Variants in ABCA8 observed in about 807,000 individuals in gnomAD.
ABCA8 encodes ABC-type organic anion transporter ABCA8.
ABCA8 carries 177 observed loss-of-function variants against 192.3 expected under a neutral mutation model. That is an observed-to-expected ratio of 0.92 (90% CI 0.81 to 1.04). ABCA8 has a LOEUF of 1.04. Ranked by LOEUF, ABCA8 falls within the 50% of genes least tolerant of loss-of-function variation. The probability of loss-of-function intolerance (pLI) is 0.00; values close to 1 mark genes in which losing one functional copy is unlikely to be tolerated. For synonymous variants in ABCA8, 642 were observed against 690.2 expected (o/e 0.93, Z 1.09); for missense variants, 1,915 against 1,904.8 (o/e 1.01, Z -0.10).
chr17:68,947,192 T>A (rs1487340565), intron 2 of ABCA8, among the ~76,000 whole-genome samples: 1 of 152,198 alleles, frequency 6.6e-6, no homozygotes, highest in African/African-American at 2.4e-5. Context: ...TATTGAGTTT[T>A]CTTCTACATG....
chr17:68,954,203 CAG>C, intron 1 of ABCA8, among the ~76,000 whole-genome samples: 1 of 112,066 alleles, frequency 8.9e-6, no homozygotes, highest in South Asian at 3.1e-4. Context: ...CACCCCACAA[CAG>C]TCCCCAGAGT....
intron 24 of ABCA8, among the ~76,000 whole-genome samples, chr17:68,890,062 A>T (rs1459394712): frequency 6.6e-6 from 1 of 152,180 alleles, no homozygotes; most frequent in Non-Finnish European, 1.5e-5. Flanking sequence ...CTTTTGAGTA[A>T]ATACTTAGGA....
At chr17:68,925,871 C>G (rs2067684073) in intron 10 of ABCA8, among the ~76,000 whole-genome samples, 1 of 152,102 alleles carries the variant, frequency 6.6e-6, no homozygotes, top group African/African-American at 2.4e-5. Context: ...GTGTTTTGAA[C>G]AAAGTCACCT....
intron 2 of ABCA8, among the ~76,000 whole-genome samples, chr17:68,948,503 T>C (rs1409014715): frequency 6.6e-6 from 1 of 152,204 alleles, no homozygotes; most frequent in African/African-American, 2.4e-5. Flanking sequence ...TCAGTGGTGA[T>C]GAGTTTTTTT....
In ABCA8 at chr17:68,917,953, A is replaced by G. The variant is rs1314040337; in HGVS notation, c.2047+94T>C. The G allele has an allele frequency of 6.9e-6, 10 of 1,444,048 alleles. No individual in the cohort carries two copies. The East Asian group carries it at 2.1e-4, about 30-fold the overall frequency. 89.5% of individuals were successfully genotyped at this position (1,444,048 alleles called of 1,614,324 possible). A position where few individuals can be genotyped will look rare whatever the true frequency, so the allele number is the denominator to read the frequency against. On this transcript the variant is annotated intron_variant, in intron 16 of 39. Coordinates refer to ENST00000586539, the MANE Select transcript of ABCA8 (RefSeq NM_001288985.2). ...TCAATTTACCAGATACAGCTAGATT[A>G]CCGAATTACAAAATATAACTGTTCA...
At position 68,887,083 on chromosome 17, in the gene ABCA8, G is replaced by T; in HGVS notation, c.3363C>A (p.Tyr1121Ter). The T allele has an allele frequency of 1.2e-6, 2 of 1,612,706 alleles. No homozygotes were observed. The highest frequency in any genetic ancestry group is 1.7e-6 in the Non-Finnish European group (2 of 1,179,362). The change falls in exon 26 of 40, where the codon TAC becomes TAA. Residue 1121 changes from tyrosine (Y) to a stop codon, truncating the protein, a stop_gained. Coordinates refer to ENST00000586539, the MANE Select transcript of ABCA8 (RefSeq NM_001288985.2). LOFTEE classifies it high-confidence loss of function. The stretch of plus-strand genomic sequence containing the variant: ...CCTTGCGAAAGATGAAGGAAATCAC[G>T]TATGTCATGAAGATGAGGGAAAAGG... ...GYSFSLIFMT[Y>*]VISFIFRKGR... is the part of the protein sequence containing the mutation.
chr17:68,938,824 G>T (rs1001871563), intron 4 of ABCA8, among the ~76,000 whole-genome samples: 5 of 152,096 alleles, frequency 3.3e-5, no homozygotes, highest in Non-Finnish European at 7.4e-5. Context: ...ACCTCCATTT[G>T]TTAATGAGAA....
At chr17:68,943,736 G>A (rs1196964244) in intron 2 of ABCA8, among the ~76,000 whole-genome samples, 1 of 152,232 alleles carries the variant, frequency 6.6e-6, no homozygotes, top group East Asian at 1.9e-4. Flanking sequence ...AAGCAGGTAG[G>A]GAGAAAGCAG....
At chr17:68,948,353 C>T (rs1412610412) in intron 2 of ABCA8, among the ~76,000 whole-genome samples, 1 of 152,226 alleles carries the variant, frequency 6.6e-6, no homozygotes, top group Non-Finnish European at 1.5e-5. Context: ...CTAATTTACA[C>T]TCCCACTAAC....
Position 68,894,869 on chromosome 17 carries a change from G to T in ABCA8, c.2898+11C>A, listed in dbSNP as rs1297683435. 6.2e-7 allele frequency: 1 copy of T among 1,606,566 alleles called. No individual in the cohort carries two copies. Among genetic ancestry groups the T allele is most frequent in the Admixed American group, 1.7e-5 (1 of 58,556 alleles). ...CACATTTTTCAGAAAGATTATTAGAGACCTGCATACCTTTTCATTACAACA... is the reference window on the plus strand; with the variant it reads ...CACATTTTTCAGAAAGATTATTAGATACCTGCATACCTTTTCATTACAACA... On this transcript the variant is annotated intron_variant, in intron 22 of 39. Transcript: ENST00000586539.
chr17:68,919,528 T>C, intron 13 of ABCA8, 52 bp from the exon 14 acceptor site: 1 of 1,470,198 alleles, frequency 6.8e-7, no homozygotes, highest in Non-Finnish European at 9.3e-7. Context: ...TATTTCTTAA[T>C]AAAATCGCTG....
In ABCA8 at chr17:68,894,905, G is replaced by A; in HGVS notation, c.2873C>T (p.Ala958Val). The A allele has an allele frequency of 6.2e-7, 1 of 1,613,288 alleles. No individual in the cohort carries two copies. ...CTTTTCATTACAACACACTGTGATGGCTCCATTATAAGATGGGTCATCTGT... is the reference window on the plus strand; with the variant it reads ...CTTTTCATTACAACACACTGTGATGACTCCATTATAAGATGGGTCATCTGT... ...NGTDDPSYNGAITVCCNEKNY... is the reference protein window; with the variant it reads ...NGTDDPSYNGVITVCCNEKNY... The change falls in exon 22 of 40, where the codon GCC becomes GTC. Residue 958 changes from alanine (A) to valine (V), a missense_variant. Coordinates refer to ENST00000586539, the MANE Select transcript of ABCA8 (RefSeq NM_001288985.2).
In ABCA8 at chr17:68,883,865, G is replaced by T; in HGVS notation, c.3633C>A (p.Ile1211=). The change falls in exon 29 of 40, where the codon ATC becomes ATA. Residue 1211 remains isoleucine (I), a synonymous_variant. Transcript: ENST00000586539. ...GACATCGAAGAGTAAAAAGAAAAAT[G>T]ATAAAATGAAGGAAAGGCTAGGAAT... The part of the protein sequence containing the change: ...LVFLIPFLHF[I]IFLFTLRCLE... 1 of 1,588,778 alleles carries T rather than the reference G, an allele frequency of 6.3e-7. No homozygotes were observed. The highest frequency in any genetic ancestry group is 8.6e-7 in the Non-Finnish European group (1 of 1,166,344).
intron 32 of ABCA8, chr17:68,879,091 T>C (rs963643001): frequency 6.6e-6 from 1 of 152,236 alleles, no homozygotes; most frequent in Non-Finnish European, 1.5e-5. Flanking sequence ...ACCTGAGCTC[T>C]TTTTCTGTTT....
chr17:68,931,979 G>T (rs9303000), intron 7 of ABCA8: 11,228 of 211,938 alleles, frequency 0.053, 1,254 homozygotes, highest in African/African-American at 0.23. Context: ...GGGAGGCCGA[G>T]GTGGGTGGAT....
rs1426592570 is a variant in ABCA8 at position 68,887,911 on chromosome 17, T to TATATGTCC, written c.3145-406_3145-405insGGACATAT. Among the ~76,000 whole-genome samples the TATATGTCC allele has an allele frequency of 3.2e-3, 63 of 19,962 alleles. 2 individuals carry two copies. The highest frequency in any genetic ancestry group is 0.021 in the Admixed American group (26 of 1,264). The allele number at this position is 19,962 out of a possible 152,430, so 13.1% of individuals were successfully genotyped here. The stretch of plus-strand genomic sequence containing the variant: ...ATATATATATATATATATATATCCA[T>TATATGTCC]ATATATATATATATTATATATGGAT... On this transcript the variant is annotated intron_variant, in intron 24 of 39. Coordinates refer to ENST00000586539, the MANE Select transcript of ABCA8 (RefSeq NM_001288985.2).
intron 13 of ABCA8, chr17:68,919,695 G>T: frequency 4.5e-6 from 2 of 447,502 alleles, no homozygotes; most frequent in Non-Finnish European, 8.0e-6. Flanking sequence ...ATTTAGCTTT[G>T]CCTATATACC....
chr17:68,935,644 C>T (rs1366777509), intron 5 of ABCA8, among the ~76,000 whole-genome samples: 2 of 146,538 alleles, frequency 1.4e-5, no homozygotes, highest in Non-Finnish European at 3.0e-5. Flanking sequence ...AATAGTGCTG[C>T]AATAAACATA....
rs2067551973 is a variant in ABCA8 at position 68,922,190 on chromosome 17, CTCTCTTTTTTTTTTTTTT to C, written c.1501+34_1501+51del. 10 of 639,708 alleles carry C rather than the reference CTCTCTTTTTTTTTTTTTT, an allele frequency of 1.6e-5. No individual in the cohort carries two copies. In the East Asian group the frequency reaches 2.7e-4, roughly 18 times the overall value. The allele number at this position is 639,708 out of a possible 1,614,324, so 39.6% of individuals were successfully genotyped here. ...AATATAACAAATATTTTCTTTCTCT[CTCTCTTTTTTTTTTTTTT>C]TTTTTTTTTTTTTTTTTTTTTTTTT... On this transcript the variant is annotated intron_variant, in intron 12 of 39. Coordinates refer to ENST00000586539, the MANE Select transcript of ABCA8 (RefSeq NM_001288985.2).
Sources: allele counts gnomAD v4.1 joint callset (sites outside exome capture counted in the v4.1 genomes callset), GRCh38; gene constraint gnomAD v4.1.1; transcripts MANE v1.5; gene names NCBI Gene and HGNC (gene_info 2026-07-23, HGNC 2026-07-21).